Variants in SCAP observed in about 807,000 individuals in gnomAD.
SCAP encodes the protein sterol regulatory element-binding protein cleavage-activating protein.
Under a neutral mutation model 123.6 loss-of-function variants are expected in SCAP, and 65 were observed. The ratio of observed to expected loss-of-function variants is 0.53; its 90% CI spans 0.43 to 0.65. SCAP has a LOEUF of 0.65. SCAP is among the 30% of genes least tolerant of loss of function. The pLI is 0.00. For missense variants in SCAP, 1,398 were observed against 1,712.5 expected (o/e 0.82, Z 3.24); for synonymous variants, 740 against 726.3 (o/e 1.02, Z -0.30).
intron 8 of SCAP, among the ~76,000 whole-genome samples, chr3:47,424,907 G>A (rs1706058181): frequency 6.6e-6 from 1 of 152,182 alleles, no homozygotes; most frequent in African/African-American, 2.4e-5. Flanking sequence ...GACAAGCCGA[G>A]GGAAGGGCTT....
intron 1 of SCAP, among the ~76,000 whole-genome samples, chr3:47,468,462 T>C (rs1445623947): frequency 2.6e-5 from 4 of 152,220 alleles, no homozygotes; most frequent in Admixed American, 2.6e-4. Context: ...ATTTCTCTGA[T>C]GGCCAGTGAC....
rs1309201105 is a variant in SCAP, at chr3:47,420,307, T to A, written c.1563+247A>T. ...CTAACAGGCTCCTGTCCTGGGCCAC[T>A]CTGGGGAGAGGATGGCTCCTGTACC... On this transcript the variant is annotated intron_variant, in intron 12 of 22. Coordinates refer to ENST00000265565, the MANE Select transcript of SCAP (RefSeq NM_012235.4). This position sits in a 1 kb window ranked among gnomAD's most constrained non-coding sequence, Gnocchi z 5.0. Among the ~76,000 whole-genome samples, 1 of 152,180 alleles carries A rather than the reference T, an allele frequency of 6.6e-6. No individual in the cohort carries two copies. The highest frequency in any genetic ancestry group is 2.4e-5 in the African/African-American group (1 of 41,442).
At chr3:47,421,318 G>A (rs535600103) in intron 10 of SCAP, 2 of 362,866 alleles carry the variant, frequency 5.5e-6, no homozygotes, top group Admixed American at 7.9e-5. Flanking sequence ...CTGAAGGCCT[G>A]ATCCAACCCG....
At chr3:47,457,262 T>G (rs1047091775) in intron 1 of SCAP, among the ~76,000 whole-genome samples, 1 of 152,136 alleles carries the variant, frequency 6.6e-6, no homozygotes, top group Non-Finnish European at 1.5e-5. Flanking sequence ...CCTTTCCAAT[T>G]TTGTGTCATG....
At chr3:47,456,806 T>C (rs1267917865) in intron 1 of SCAP, among the ~76,000 whole-genome samples, 1 of 151,162 alleles carries the variant, frequency 6.6e-6, no homozygotes, top group Admixed American at 6.6e-5. Context: ...ATAAATAAGA[T>C]CTGGAAAAAT....
rs1406925239 is a variant in SCAP at position 47,427,382 on chromosome 3, A to G, written c.631+65T>C. 38 of 1,574,430 alleles carry G rather than the reference A, an allele frequency of 2.4e-5. No individual in the cohort carries two copies. The East Asian group carries it at 8.3e-4, about 34-fold the overall frequency. Reference sequence around the variant, plus strand: ...GGTAAACCCTGATCTGCCTAAGCACACATCAAAAAGACGGTGACCAATGGG... The same window carrying G: ...GGTAAACCCTGATCTGCCTAAGCACGCATCAAAAAGACGGTGACCAATGGG... On this transcript the variant is annotated intron_variant, in intron 5 of 22. Transcript: ENST00000265565.
Position 47,425,619 on chromosome 3 carries a change from G to A in SCAP, c.911-8C>T, listed in dbSNP as rs947007572. ...TGACCATGTCGATCTTCCCTGGAGG[G>A]CAGAGAGGGCGTATCAGGGCGGCCC... On this transcript the variant is annotated splice_region_variant and splice_polypyrimidine_tract_variant and intron_variant, in intron 7 of 22. Transcript: ENST00000265565. The A allele has an allele frequency of 1.2e-6, 2 of 1,613,596 alleles. No homozygotes were observed. The highest frequency in any genetic ancestry group is 2.7e-5 in the African/African-American group (2 of 74,950).
intron 1 of SCAP, among the ~76,000 whole-genome samples, chr3:47,452,846 G>C (rs181690875): frequency 2.0e-5 from 3 of 152,028 alleles, no homozygotes; most frequent in South Asian, 4.1e-4. Context: ...CCAGCAGTTT[G>C]GGACACTGAG....
chr3:47,447,492 A>C (rs1408190492), intron 1 of SCAP, among the ~76,000 whole-genome samples: 2 of 152,168 alleles, frequency 1.3e-5, no homozygotes, highest in Non-Finnish European at 2.9e-5. Flanking sequence ...GTTCAAGACC[A>C]GCCTAGCCAA....
chr3:47,418,138 G>C lies in SCAP; in HGVS notation c.2443C>G (p.Pro815Ala). ...GGAAAGGGCAGCCGCACCTACCCTG[G>C]GCGCGGAATGCGCGTTAGGCAATCC... The part of the protein sequence containing the change: ...TGDCLTRIPR[P>A]GRQRRDSGVG... The change falls in exon 16 of 23, where the codon CCA becomes GCA. Residue 815 changes from proline to alanine, a missense_variant. Physicochemically the swap from Pro to Ala is conservative, Grantham distance 27. This residue lies in a region of SCAP where 828 missense variants were observed against 882.5 expected (regional missense o/e 0.94). Coordinates refer to ENST00000265565, the MANE Select transcript of SCAP (RefSeq NM_012235.4). 6.4e-7 allele frequency: 1 copy of C among 1,556,790 alleles called. No homozygotes were observed. Among genetic ancestry groups the C allele is most frequent in the Non-Finnish European group, 8.7e-7 (1 of 1,151,136 alleles).
intron 1 of SCAP, among the ~76,000 whole-genome samples, chr3:47,462,562 G>A (rs1707681458): frequency 6.6e-6 from 1 of 151,958 alleles, no homozygotes; most frequent in Admixed American, 6.6e-5. Context: ...AACCATCCTG[G>A]CTAACACGGT....
At position 47,427,628 on chromosome 3, in the gene SCAP, C is replaced by A; in HGVS notation, c.450G>T (p.Val150=). ...TCCTAAGGCCTGGCAGCAGGTCGGT[C>A]ACTTGCAGACACAACTCCTCCAAGC... The part of the protein sequence containing the change: ...IRSLEELCLQ[V]TDLLPGLRKL... Residue 150 remains valine, a synonymous_variant, in exon 5 of 23, where the codon GTG becomes GTT. Transcript: ENST00000265565. 6.2e-7 allele frequency: 1 copy of A among 1,614,152 alleles called. No individual in the cohort carries two copies. The highest frequency in any genetic ancestry group is 8.5e-7 in the Non-Finnish European group (1 of 1,180,022).
chr3:47,416,675 G>A (rs1705591018), intron 18 of SCAP, among the ~76,000 whole-genome samples: 1 of 134,224 alleles, frequency 7.5e-6, no homozygotes, highest in Non-Finnish European at 1.5e-5. Flanking sequence ...CGCCCAGGCT[G>A]GAGTGCAGTG....
At chr3:47,457,965 G>C (rs1707490011) in intron 1 of SCAP, among the ~76,000 whole-genome samples, 1 of 151,854 alleles carries the variant, frequency 6.6e-6, no homozygotes, top group Non-Finnish European at 1.5e-5. Flanking sequence ...CCAGTAACCT[G>C]GGAGAATTTT....
chr3:47,456,308 G>A (rs1194391418), intron 1 of SCAP, among the ~76,000 whole-genome samples: 3 of 152,080 alleles, frequency 2.0e-5, no homozygotes, highest in Non-Finnish European at 2.9e-5. Flanking sequence ...AGGCTGAAGC[G>A]GGTGGATTAC....
intron 1 of SCAP, among the ~76,000 whole-genome samples, chr3:47,449,045 A>G (rs955050752): frequency 2.0e-5 from 3 of 152,200 alleles, no homozygotes; most frequent in African/African-American, 7.2e-5. Context: ...GGGCTGTGGT[A>G]CCAATATGAT....
intron 1 of SCAP, among the ~76,000 whole-genome samples, chr3:47,466,244 T>C (rs2108014469): frequency 6.6e-6 from 1 of 152,092 alleles, no homozygotes; most frequent in East Asian, 1.9e-4. Context: ...AGAACTAAGT[T>C]GAGGACTCAC....
chr3:47,463,180 G>A (rs932887893), intron 1 of SCAP, among the ~76,000 whole-genome samples: 4 of 152,062 alleles, frequency 2.6e-5, no homozygotes, highest in Non-Finnish European at 4.4e-5. Flanking sequence ...TTCCTCCGGC[G>A]GAAAGTTTAG....
chr3:47,445,428 A>C (rs1706996551), intron 1 of SCAP, among the ~76,000 whole-genome samples: 1 of 151,352 alleles, frequency 6.6e-6, no homozygotes, highest in African/African-American at 2.4e-5. Context: ...TCGTATTTTT[A>C]GTAGAAATGG....
Sources: allele counts gnomAD v4.1 joint callset (sites outside exome capture counted in the v4.1 genomes callset), GRCh38; gene constraint gnomAD v4.1.1; regional missense constraint gnomAD v4.1.1; non-coding constraint Gnocchi (gnomAD v3.1); transcripts MANE v1.5; gene names NCBI Gene and HGNC (gene_info 2026-07-23, HGNC 2026-07-21).